Variants in ROBO1 observed in about 807,000 individuals in gnomAD.
ROBO1 encodes the protein roundabout homolog 1.
A neutral mutation model predicts 195.9 loss-of-function variants in ROBO1; 149 were observed. The observed-to-expected ratio is 0.76, with a 90% CI of 0.67 to 0.87. The LOEUF is 0.87. ROBO1 is among the 40% of genes least tolerant of loss of function. The pLI is 0.00. For missense variants in ROBO1, 1,933 were observed against 2,068.3 expected, an observed-to-expected ratio of 0.93 and a Z score of 1.27; for synonymous variants, 816 against 733.2, an observed-to-expected ratio of 1.11 and a Z score of -1.82.
At chr3:79,235,437 C>G (rs57717769) in intron 2 of ROBO1, among the ~76,000 whole-genome samples, 12,937 of 151,854 alleles carry the variant, frequency 0.085, 1,122 homozygotes, top group African/African-American at 0.23. Flanking sequence ...GGGAGTGTTG[C>G]TAAGAATAGC....
At chr3:79,430,267 T>A (rs2038622985) in intron 2 of ROBO1, among the ~76,000 whole-genome samples, 2 of 152,072 alleles carry the variant, frequency 1.3e-5, no homozygotes, top group Non-Finnish European at 2.9e-5. Context: ...AGAAATTAAG[T>A]TCAATAAAAA....
intron 3 of ROBO1, among the ~76,000 whole-genome samples, chr3:79,020,297 T>C (rs1482914593): frequency 6.6e-6 from 1 of 152,246 alleles, no homozygotes; most frequent in Non-Finnish European, 1.5e-5. Context: ...GTTCTCGAGA[T>C]ATTTTATTGC....
intron 2 of ROBO1, among the ~76,000 whole-genome samples, chr3:79,527,578 A>T (rs1032154846): frequency 6.6e-6 from 1 of 152,162 alleles, no homozygotes; most frequent in East Asian, 1.9e-4. Context: ...TAAACTCAGC[A>T]AAAGTACTAG....
At chr3:79,073,860 A>G (rs1427805387) in intron 3 of ROBO1, among the ~76,000 whole-genome samples, 1 of 151,164 alleles carries the variant, frequency 6.6e-6, no homozygotes, top group African/African-American at 2.4e-5. Context: ...ATACTCAACA[A>G]GGGTCTGCTG....
chr3:78,874,101 T>G (rs1025885933), intron 4 of ROBO1, among the ~76,000 whole-genome samples: 1 of 152,006 alleles, frequency 6.6e-6, no homozygotes, highest in African/African-American at 2.4e-5. Context: ...CCATCTTGCA[T>G]TTTCAAAACA....
At chr3:79,175,959 G>A (rs989163260) in intron 2 of ROBO1, among the ~76,000 whole-genome samples, 3 of 152,126 alleles carry the variant, frequency 2.0e-5, no homozygotes, top group African/African-American at 7.2e-5. Context: ...CAATGTTCTG[G>A]TTATCTTCTA....
Position 78,746,803 on chromosome 3 carries a change from C to T in ROBO1, c.597G>A (p.Glu199=). ...CATCTTTCTTCCATGAAATGGTGGG[C>T]TCAGGATGGCCTCGTGGAGGTTGGC... The part of the protein sequence containing the change: ...MECQPPRGHP[E]PTISWKKDGS... Residue 199 remains glutamate (E), a synonymous_variant, in exon 5 of 31, where the codon GAG becomes GAA. Transcript: ENST00000464233. The T allele has an allele frequency of 1.3e-6, 2 of 1,595,742 alleles. No individual in the cohort carries two copies. The highest frequency in any genetic ancestry group is 1.7e-6 in the Non-Finnish European group (2 of 1,167,266).
At chr3:79,143,122 G>A (rs1178541381) in intron 2 of ROBO1, among the ~76,000 whole-genome samples, 1 of 152,044 alleles carries the variant, frequency 6.6e-6, no homozygotes, top group Non-Finnish European at 1.5e-5. Flanking sequence ...AAACACCTAA[G>A]AATGTGTTCC....
At chr3:79,143,851 T>C (rs1414660206) in intron 2 of ROBO1, among the ~76,000 whole-genome samples, 1 of 151,972 alleles carries the variant, frequency 6.6e-6, no homozygotes, top group East Asian at 1.9e-4. Flanking sequence ...CCACACACTT[T>C]CCTCCCACTC....
rs182868474 is a variant in ROBO1 at position 78,746,863 on chromosome 3, G to A, written c.537C>T (p.Val179=). The change falls in exon 5 of 31, where the codon GTC becomes GTT. Residue 179 remains valine (V), a synonymous_variant. Transcript: ENST00000464233. ...CTGCAGGCTCTCCTACTGCAACCAT[G>A]ACATCCGAAGGGTTTTGTCTGAAGT... ...RDDFRQNPSD[V]MVAVGEPAVM... The A allele has an allele frequency of 3.5e-4, 551 of 1,587,484 alleles. 5 individuals carry two copies. The African/African-American group carries it at 6.4e-3, about 18-fold the overall frequency.
At chr3:79,324,118 C>G (rs2034104339) in intron 2 of ROBO1, among the ~76,000 whole-genome samples, 1 of 152,038 alleles carries the variant, frequency 6.6e-6, no homozygotes, top group Non-Finnish European at 1.5e-5. Flanking sequence ...ATCCGGACAC[C>G]CATGCCGTCC....
intron 2 of ROBO1, among the ~76,000 whole-genome samples, chr3:79,575,128 A>AAT (rs1391437554): frequency 1.5e-5 from 1 of 67,894 alleles, no homozygotes; most frequent in Non-Finnish European, 2.8e-5. Flanking sequence ...TATATATATA[A>AAT]ATATATATAA....
At chr3:79,082,174 A>G (rs556021174) in intron 3 of ROBO1, among the ~76,000 whole-genome samples, 10 of 152,190 alleles carry the variant, frequency 6.6e-5, no homozygotes, top group Admixed American at 2.0e-4. Flanking sequence ...TACTTCTAAG[A>G]TGCTAAAAAG....
intron 1 of ROBO1, among the ~76,000 whole-genome samples, chr3:79,621,585 C>A (rs1173332989): frequency 6.6e-6 from 1 of 152,078 alleles, no homozygotes; most frequent in Non-Finnish European, 1.5e-5. Flanking sequence ...ACCTTATAAG[C>A]CAGAAAGGAC....
At chr3:78,799,670 G>GT (rs763458418) in intron 4 of ROBO1, among the ~76,000 whole-genome samples, 1 of 152,056 alleles carries the variant, frequency 6.6e-6, no homozygotes. Flanking sequence ...TACTTTGCTT[G>GT]TTTTTTTCTG....
chr3:79,726,346 CT>C (rs1702925603), intron 1 of ROBO1, among the ~76,000 whole-genome samples: 1 of 152,144 alleles, frequency 6.6e-6, no homozygotes, highest in South Asian at 2.1e-4. Context: ...ACAGCAGAAC[CT>C]TCCTGAACCC....
At chr3:78,662,754 T>C (rs80268487) in intron 14 of ROBO1, among the ~76,000 whole-genome samples, 3,076 of 152,318 alleles carry the variant, frequency 0.02, 93 homozygotes, top group African/African-American at 0.069. Context: ...ATTTAATTGA[T>C]GATCCTTTAG....
At chr3:78,932,795 T>C (rs1396419547) in intron 4 of ROBO1, among the ~76,000 whole-genome samples, 1 of 152,204 alleles carries the variant, frequency 6.6e-6, no homozygotes, top group Non-Finnish European at 1.5e-5. Context: ...TATCTCTGGA[T>C]AGCAGGATTG....
chr3:79,623,303 G>C (rs935967562), intron 1 of ROBO1, among the ~76,000 whole-genome samples: 8 of 152,070 alleles, frequency 5.3e-5, no homozygotes, highest in African/African-American at 1.9e-4. Flanking sequence ...CCAAACAATC[G>C]CAACGTCTCT....
Sources: allele counts gnomAD v4.1 joint callset (sites outside exome capture counted in the v4.1 genomes callset), GRCh38; gene constraint gnomAD v4.1.1; transcripts MANE v1.5; gene names NCBI Gene and HGNC (gene_info 2026-07-23, HGNC 2026-07-21).